The following ABCA1 variants were observed in gnomAD, a reference collection of about 807,000 sequenced individuals.
The protein encoded by ABCA1 is ATP binding cassette subfamily A member 1.
A neutral mutation model predicts 262.5 loss-of-function variants in ABCA1; 133 were observed. The observed-to-expected ratio is 0.51, with a 90% CI of 0.44 to 0.59. The LOEUF is 0.59. ABCA1 is among the 20% of genes least tolerant of loss of function. The probability of loss-of-function intolerance (pLI) is 0.00; values close to 1 mark genes in which losing one functional copy is unlikely to be tolerated. For missense variants in ABCA1, 2,452 were observed against 2,777.5 expected, an observed-to-expected ratio of 0.88 and a Z score of 2.63; for synonymous variants, 1,022 against 1,043.5, an observed-to-expected ratio of 0.98 and a Z score of 0.40.
rs2118825896 is a variant in ABCA1, at chr9:104,782,973, C to A, written c.*1342G>T. The A allele has an allele frequency of 6.6e-6, 1 of 152,598 alleles. No individual in the cohort carries two copies. Among genetic ancestry groups the A allele is most frequent in the South Asian group, 2.1e-4 (1 of 4,830 alleles). The allele number at this position is 152,598 out of a possible 1,614,324, so 9.5% of individuals were successfully genotyped here. Reference sequence around the variant, plus strand: ...CAGGAAGTGTACTGAGACTTAATATCTCTCTAGTCTTATACGTACGTACAT... The same window carrying A: ...CAGGAAGTGTACTGAGACTTAATATATCTCTAGTCTTATACGTACGTACAT... On this transcript the variant is annotated 3_prime_UTR_variant, in exon 50 of 50. Transcript: ENST00000374736.
At position 104,819,637 on chromosome 9, in the gene ABCA1, C is replaced by G. The variant is rs1564126733; in HGVS notation, c.3190G>C (p.Asp1064His). 6.2e-7 allele frequency: 1 copy of G among 1,614,086 alleles called. No homozygotes were observed. ...CATATTCCCCTGCGGGAGTAAGGGT[C>G]CACACCAGCTGTGGGTTCATCCAGA... Reference protein sequence around the residue: ...VILDEPTAGVDPYSRRGIWEL... With the variant: ...VILDEPTAGVHPYSRRGIWEL... The change falls in exon 22 of 50, where the codon GAC becomes CAC. Residue 1064 changes from aspartate (D) to histidine (H), a missense_variant. By Grantham distance (81) the Asp-to-His change is moderately conservative (BLOSUM62 -1). Around this residue, in one of 4 missense-constraint regions of ABCA1, gnomAD observed 665 missense variants for 727.3 expected, o/e 0.91. Transcript: ENST00000374736.
chr9:104,856,196 A>G (rs1564187336), intron 7 of ABCA1: 3 of 1,425,236 alleles, frequency 2.1e-6, no homozygotes, highest in Non-Finnish European at 1.8e-6. Context: ...GCTTAATTCA[A>G]TAAGTAAGAG....
intron 29 of ABCA1, 39 bp downstream of exon 29, chr9:104,810,761 G>C (rs370988719): frequency 6.2e-7 from 1 of 1,613,944 alleles, no homozygotes; most frequent in Non-Finnish European, 8.5e-7. Context: ...TGGTCTGCTC[G>C]AATCTTACCC....
At chr9:104,796,910 T>A (rs566827463) in intron 37 of ABCA1, among the ~76,000 whole-genome samples, 1 of 152,278 alleles carries the variant, frequency 6.6e-6, no homozygotes, top group South Asian at 2.1e-4. Flanking sequence ...GTCCTGACAG[T>A]GTATCAAGCA....
At chr9:104,802,498 T>C (rs1416605580) in intron 33 of ABCA1, among the ~76,000 whole-genome samples, 2 of 152,050 alleles carry the variant, frequency 1.3e-5, no homozygotes, top group Admixed American at 1.3e-4. Flanking sequence ...GATGGGGAGT[T>C]GGGAGAGTGG....
chr9:104,857,844 G>C (rs1318978100), intron 7 of ABCA1, among the ~76,000 whole-genome samples: 1 of 152,174 alleles, frequency 6.6e-6, no homozygotes, highest in Non-Finnish European at 1.5e-5. Context: ...TTGGGGTAGC[G>C]AGAGGAATTT....
intron 2 of ABCA1, among the ~76,000 whole-genome samples, chr9:104,894,894 A>G (rs570687275): frequency 5.3e-5 from 8 of 152,338 alleles, no homozygotes; most frequent in Non-Finnish European, 8.8e-5. Context: ...CCCATCATTG[A>G]ACCTAGAACT....
At chr9:104,788,122 C>T (rs1829088389) in intron 45 of ABCA1, 68 bp from the exon 46 acceptor site, 1 of 1,510,348 alleles carries the variant, frequency 6.6e-7, no homozygotes, top group Non-Finnish European at 9.2e-7. Context: ...CCTACACATA[C>T]ATGTATGAAA....
chr9:104,794,475 C>G lies in ABCA1; in HGVS notation c.5418G>C (p.Val1806=). The stretch of plus-strand genomic sequence containing the variant: ...GGCAAAAATGTGGGAAGATCAAGAA[C>G]ACGGACTTCAGGATATCATTGATAT... ...LNNINDILKS[V]FLIFPHFCLG... is the part of the protein sequence containing the mutation. The change falls in exon 40 of 50, where the codon GTG becomes GTC. Residue 1806 remains valine, a synonymous_variant. Coordinates refer to ENST00000374736, the MANE Select transcript of ABCA1 (RefSeq NM_005502.4). The G allele has an allele frequency of 1.3e-6, 2 of 1,543,150 alleles. No individual in the cohort carries two copies. Among genetic ancestry groups the G allele is most frequent in the Non-Finnish European group, 1.8e-6 (2 of 1,130,870 alleles).
chr9:104,850,276 C>T (rs1835263722), intron 7 of ABCA1, among the ~76,000 whole-genome samples: 1 of 152,194 alleles, frequency 6.6e-6, no homozygotes, highest in African/African-American at 2.4e-5. Flanking sequence ...TGCACGCCAC[C>T]ATGCCTGGCT....
At chr9:104,926,016 T>TAA (rs71364036) in intron 1 of ABCA1, among the ~76,000 whole-genome samples, 40,602 of 148,520 alleles carry the variant, frequency 0.27, 5,805 homozygotes, top group African/African-American at 0.37. Flanking sequence ...CTACGGCCGT[T>TAA]AAAAAAAAAA....
Position 104,812,701 on chromosome 9 carries a change from A to C in ABCA1, c.3923T>G (p.Leu1308Arg), listed in dbSNP as rs1187112454. 1 of 1,614,214 alleles carries C rather than the reference A, an allele frequency of 6.2e-7. No individual in the cohort carries two copies. The highest frequency in any genetic ancestry group is 8.5e-7 in the Non-Finnish European group (1 of 1,180,038). The change falls in exon 28 of 50, where the codon CTC becomes CGC. Residue 1308 changes from leucine (L) to arginine (R), a missense_variant. Leu to Arg is a moderately radical substitution (Grantham distance 102, BLOSUM62 -2). Transcript: ENST00000374736. ...IDPESRETDL[L>R]SGMDGKGSYQ... Reference sequence around the variant, plus strand: ...GGACCCTTTGCCATCCATCCCACTGAGCAAGTCTGTCTCTCTGGATTCTGC... The same window carrying C: ...GGACCCTTTGCCATCCATCCCACTGCGCAAGTCTGTCTCTCTGGATTCTGC...
intron 8 of ABCA1, among the ~76,000 whole-genome samples, chr9:104,844,432 A>G (rs189440842): frequency 6.6e-6 from 1 of 152,220 alleles, no homozygotes; most frequent in East Asian, 1.9e-4. Flanking sequence ...AATTCAAAGA[A>G]AGAAAGTAGA....
intron 2 of ABCA1, among the ~76,000 whole-genome samples, chr9:104,893,359 T>C (rs764255040): frequency 8.5e-5 from 11 of 129,464 alleles, no homozygotes; most frequent in Non-Finnish European, 1.6e-4. Context: ...GAGACAGAGG[T>C]TGGGGTGAGC....
chr9:104,800,729 A>G, intron 34 of ABCA1, 145 bp from the exon 35 acceptor site: 1 of 760,026 alleles, frequency 1.3e-6, no homozygotes, highest in Non-Finnish European at 2.3e-6. Context: ...GAAGCCATTA[A>G]ATAAACGGCT....
chr9:104,881,074 A>G (rs1838605737), intron 5 of ABCA1, among the ~76,000 whole-genome samples: 1 of 152,114 alleles, frequency 6.6e-6, no homozygotes, highest in African/African-American at 2.4e-5. Context: ...GCTTGAACCC[A>G]GGAGGCAGAG....
chr9:104,845,758 C>T (rs947285734), intron 7 of ABCA1, among the ~76,000 whole-genome samples, 189 bp from the exon 8 acceptor site: 1 of 152,210 alleles, frequency 6.6e-6, no homozygotes, highest in Non-Finnish European at 1.5e-5. Context: ...TTTTCAAACT[C>T]ATTCTTTGAT....
At chr9:104,839,932 A>G (rs1382369024) in intron 9 of ABCA1, among the ~76,000 whole-genome samples, 7 of 152,264 alleles carry the variant, frequency 4.6e-5, no homozygotes, top group Non-Finnish European at 8.8e-5. Context: ...TATTCCATAT[A>G]TAAGTGAGAT....
chr9:104,851,908 G>A (rs1157757499), intron 7 of ABCA1, among the ~76,000 whole-genome samples: 1 of 152,180 alleles, frequency 6.6e-6, no homozygotes, highest in African/African-American at 2.4e-5. Flanking sequence ...CCAAATAGAA[G>A]TAGAAAACAC....
Sources: allele counts gnomAD v4.1 joint callset (sites outside exome capture counted in the v4.1 genomes callset), GRCh38; gene constraint gnomAD v4.1.1; regional missense constraint gnomAD v4.1.1; transcripts MANE v1.5; gene names NCBI Gene and HGNC (gene_info 2026-07-23, HGNC 2026-07-21).